Variants in SULF2 observed in about 807,000 individuals in gnomAD.
The protein encoded by SULF2 is extracellular sulfatase Sulf-2.
Under a neutral mutation model 107.7 loss-of-function variants are expected in SULF2, and 52 were observed. That is an observed-to-expected ratio of 0.48 (90% CI 0.39 to 0.61). The LOEUF is 0.61. Ranked by LOEUF, SULF2 falls within the 20% of genes least tolerant of loss-of-function variation. The pLI is 0.00. For missense variants in SULF2, 993 were observed against 1,177.3 expected (o/e 0.84, Z 2.29); for synonymous variants, 460 against 464.3 (o/e 0.99, Z 0.12).
At position 47,742,927 on chromosome 20, in the gene SULF2, A is replaced by ATTTTTTTTTTTTTTTTTTTTTTT. The variant is rs397837137; in HGVS notation, c.176-6008_176-5986dup. On this transcript the variant is annotated intron_variant, in intron 2 of 20. Coordinates refer to ENST00000688720, the MANE Select transcript of SULF2 (RefSeq NM_001387048.1). ...AGGGAGTTTCAGGATTCAAAACATGATTTTTTTTTTTTTTTTTTTTTTTTT... is the reference window on the plus strand; with the variant it reads ...AGGGAGTTTCAGGATTCAAAACATGATTTTTTTTTTTTTTTTTTTTTTTTTTTTTTTTTTTTTTTTTTTTTTTT... Among the ~76,000 whole-genome samples, 2 of 99,452 alleles carry ATTTTTTTTTTTTTTTTTTTTTTT rather than the reference A, an allele frequency of 2.0e-5. 1 individual carries two copies. The allele number at this position is 99,452 out of a possible 152,430, so 65.2% of individuals were successfully genotyped here.
At chr20:47,743,165 C>G (rs181126848) in intron 2 of SULF2, among the ~76,000 whole-genome samples, 1 of 152,028 alleles carries the variant, frequency 6.6e-6, no homozygotes, top group Non-Finnish European at 1.5e-5. Flanking sequence ...CTAGGGAAAG[C>G]AGCAGAAGGA....
chr20:47,695,775 G>A (rs1235355516), intron 4 of SULF2, among the ~76,000 whole-genome samples: 1 of 152,170 alleles, frequency 6.6e-6, no homozygotes, highest in East Asian at 1.9e-4. Context: ...ACCATGTCCA[G>A]CTAATTTTTG....
In SULF2 at chr20:47,663,569, T is replaced by C; in HGVS notation, c.2111A>G (p.Lys704Arg). 6.2e-7 allele frequency: 1 copy of C among 1,611,458 alleles called. No homozygotes were observed. Among genetic ancestry groups the C allele is most frequent in the Non-Finnish European group, 8.5e-7 (1 of 1,179,096 alleles). The change falls in exon 16 of 21, where the codon AAG (lysine) becomes AGG (arginine). Residue 704 changes from lysine to arginine, a missense_variant. Around this residue, in one of 3 missense-constraint regions of SULF2, gnomAD observed 497 missense variants for 544.1 expected, o/e 0.91. Transcript: ENST00000688720. ...CTTGAGCAGCTTGCGGAGTTTCTTC[T>C]TGCGCTTCTGCTCCCGCAACAGCCA... ...KVWLLREQKRKKKLRKLLKRL... is the reference protein window; with the variant it reads ...KVWLLREQKRRKKLRKLLKRL...
intron 3 of SULF2, among the ~76,000 whole-genome samples, chr20:47,714,226 C>T (rs1476289601): frequency 2.0e-5 from 3 of 152,218 alleles, no homozygotes; most frequent in Non-Finnish European, 4.4e-5. Flanking sequence ...GTGCCTCTCA[C>T]ACACGTTTGG....
intron 3 of SULF2, among the ~76,000 whole-genome samples, chr20:47,704,326 G>A (rs2088660483): frequency 6.6e-6 from 1 of 151,944 alleles, no homozygotes; most frequent in South Asian, 2.1e-4. Flanking sequence ...AGGCTGGAGT[G>A]TAGTGGCACC....
chr20:47,661,665 C>G, intron 18 of SULF2, 108 bp downstream of exon 18: 1 of 1,232,886 alleles, frequency 8.1e-7, no homozygotes, highest in Non-Finnish European at 1.1e-6. Flanking sequence ...GTATCACCTC[C>G]CAAAGCCTGG....
At chr20:47,743,632 G>C (rs1315023922) in intron 2 of SULF2, among the ~76,000 whole-genome samples, 1 of 152,162 alleles carries the variant, frequency 6.6e-6, no homozygotes, top group African/African-American at 2.4e-5. Flanking sequence ...TTTTAAAACA[G>C]TCAGTGAAAT....
chr20:47,687,748 C>A (rs1019904519), intron 5 of SULF2, among the ~76,000 whole-genome samples: 1 of 151,478 alleles, frequency 6.6e-6, no homozygotes, highest in Non-Finnish European at 1.5e-5. Flanking sequence ...CACTCTGTCA[C>A]TCAGGCTGGA....
intron 3 of SULF2, among the ~76,000 whole-genome samples, chr20:47,711,358 G>GA (rs1198468521): frequency 6.6e-6 from 1 of 152,248 alleles, no homozygotes; most frequent in Non-Finnish European, 1.5e-5. Flanking sequence ...TGTTGGCAAT[G>GA]AAACGACAGT....
intron 11 of SULF2, among the ~76,000 whole-genome samples, chr20:47,667,267 C>T (rs1226129313): frequency 6.6e-6 from 1 of 152,092 alleles, no homozygotes; most frequent in African/African-American, 2.4e-5. Flanking sequence ...CACTTAGCTT[C>T]TTTGAGTCCC....
chr20:47,724,930 T>A lies in SULF2; in HGVS notation c.415+11773A>T, dbSNP rs184676124. Among the ~76,000 whole-genome samples, 457 of 152,362 alleles carry A rather than the reference T, an allele frequency of 3.0e-3. 6 individuals are homozygous for A. The highest frequency in any genetic ancestry group is 0.01 in the African/African-American group (420 of 41,582). On this transcript the variant is annotated intron_variant, in intron 3 of 20. Transcript: ENST00000688720. ...AAATTTATAGGTAACAAAAGCTACC[T>A]ATGCATGTCATTTCCACAAAATCAA...
Position 47,666,064 on chromosome 20 carries a change from C to T in SULF2, c.1806-111G>A. On this transcript the variant is annotated intron_variant, in intron 12 of 20. Coordinates refer to ENST00000688720, the MANE Select transcript of SULF2 (RefSeq NM_001387048.1). The surrounding 1 kb of genome is among the most constrained non-coding windows in gnomAD (Gnocchi z 5.4). Reference sequence around the variant, plus strand: ...CGAGGTCTGTCCTGTCCCCTTCACCCTCGACTTCCACCTGGACACTCACCG... The same window carrying T: ...CGAGGTCTGTCCTGTCCCCTTCACCTTCGACTTCCACCTGGACACTCACCG... The T allele has an allele frequency of 6.3e-7, 1 of 1,598,526 alleles. No individual in the cohort carries two copies. The highest frequency in any genetic ancestry group is 8.6e-7 in the Non-Finnish European group (1 of 1,167,476).
At position 47,683,116 on chromosome 20, in the gene SULF2, G is replaced by A. The variant is rs949305492; in HGVS notation, c.942C>T (p.Tyr314=). ...CGATGTGGTAACCGTGGTCGGCGGT[G>A]TATACGATGTACGTGTTGTCCAGCT... ...TGELDNTYIV[Y]TADHGYHIGQ... The change falls in exon 7 of 21, where the codon TAC becomes TAT. Residue 314 remains tyrosine, a synonymous_variant. Transcript: ENST00000688720. 3.1e-6 allele frequency: 5 copies of A among 1,613,530 alleles called. No individual in the cohort carries two copies. The highest frequency in any genetic ancestry group is 4.2e-6 in the Non-Finnish European group (5 of 1,179,818).
In SULF2 at chr20:47,747,761, G is replaced by A. The variant is rs527440685; in HGVS notation, c.175+9428C>T. Reference sequence around the variant, plus strand: ...CTCCCAATCTGTTCCTCCTGCCCCCGCCTTCCCATCTCTGTAAATGGCACT... The same window carrying A: ...CTCCCAATCTGTTCCTCCTGCCCCCACCTTCCCATCTCTGTAAATGGCACT... On this transcript the variant is annotated intron_variant, in intron 2 of 20. Coordinates refer to ENST00000688720, the MANE Select transcript of SULF2 (RefSeq NM_001387048.1). Among the ~76,000 whole-genome samples the A allele has an allele frequency of 4.0e-3, 587 of 147,778 alleles. 5 individuals are homozygous for A. The highest frequency in any genetic ancestry group is 0.013 in the African/African-American group (541 of 40,324).
chr20:47,745,399 A>G (rs796228865), intron 2 of SULF2, among the ~76,000 whole-genome samples: 2,734 of 27,628 alleles, frequency 0.099, 164 homozygotes, highest in African/African-American at 0.2. Flanking sequence ...AAAAAAAAAA[A>G]AAAAAAAAAA....
At chr20:47,723,473 T>C (rs1230400998) in intron 3 of SULF2, among the ~76,000 whole-genome samples, 1 of 152,102 alleles carries the variant, frequency 6.6e-6, no homozygotes, top group Non-Finnish European at 1.5e-5. Context: ...TGCAGACAGG[T>C]AGACAGGTAG....
intron 4 of SULF2, among the ~76,000 whole-genome samples, chr20:47,692,394 G>C (rs550885786): frequency 6.6e-6 from 1 of 152,228 alleles, no homozygotes; most frequent in African/African-American, 2.4e-5. Context: ...ATGTTTAACA[G>C]TATGCATGTA....
At chr20:47,777,104 C>T (rs1363800087) in intron 1 of SULF2, among the ~76,000 whole-genome samples, 1 of 152,138 alleles carries the variant, frequency 6.6e-6, no homozygotes, top group Non-Finnish European at 1.5e-5. Context: ...AGAGAGAAGA[C>T]AAAGGACAAA....
At chr20:47,729,394 G>C (rs989327687) in intron 3 of SULF2, among the ~76,000 whole-genome samples, 2 of 152,222 alleles carry the variant, frequency 1.3e-5, no homozygotes, top group Admixed American at 1.3e-4. Flanking sequence ...AGACCCCTCT[G>C]GCTGCTGCAT....
Sources: gnomAD v4.1 joint callset for allele counts (sites outside exome capture counted in the v4.1 genomes callset) on GRCh38, gnomAD v4.1.1 for gene constraint, gnomAD v4.1.1 regional missense constraint, Gnocchi (gnomAD v3.1) non-coding constraint, MANE v1.5 for transcripts, NCBI Gene and HGNC (gene_info 2026-07-23, HGNC 2026-07-21) for gene names.